Variants in TNC observed in about 807,000 individuals in gnomAD.
TNC encodes tenascin C.
In TNC, 109 loss-of-function variants were observed where a neutral mutation model predicts 202.4. The observed-to-expected ratio is 0.54, with a 90% confidence interval of 0.46 to 0.63. The LOEUF (loss-of-function observed/expected upper bound fraction) is 0.63. TNC is among the 30% of genes least tolerant of loss of function. TNC has a pLI of 0.00. For synonymous variants in TNC, 1,007 were observed against 1,089.7 expected, an observed-to-expected ratio of 0.92 and a Z score of 1.50; for missense variants, 2,756 against 2,833.3, an observed-to-expected ratio of 0.97 and a Z score of 0.62.
chr9:115,109,707 C>T (rs890660862), intron 1 of TNC, among the ~76,000 whole-genome samples: 3 of 152,218 alleles, frequency 2.0e-5, no homozygotes, highest in Non-Finnish European at 4.4e-5. Flanking sequence ...ATCCTGAAGG[C>T]CACCTCTGAA....
chr9:115,060,206 A>G (rs756663874), intron 13 of TNC, among the ~76,000 whole-genome samples: 1 of 152,172 alleles, frequency 6.6e-6, no homozygotes, highest in African/African-American at 2.4e-5. Context: ...AAAGGGAAAT[A>G]TCTACATGGT....
intron 1 of TNC, among the ~76,000 whole-genome samples, chr9:115,114,494 C>G (rs1052727701): frequency 3.3e-5 from 5 of 152,214 alleles, no homozygotes; most frequent in Non-Finnish European, 7.3e-5. Context: ...CTTCTCTCTT[C>G]CAGGGCTGAA....
At chr9:115,084,525 T>C in intron 3 of TNC, 53 bp from the exon 4 acceptor site, 1 of 1,579,570 alleles carries the variant, frequency 6.3e-7, no homozygotes, top group Non-Finnish European at 8.6e-7. Context: ...CTCTAAAATC[T>C]CTCTAGGTTT....
At chr9:115,040,191 T>G (rs1271498262) in intron 19 of TNC, among the ~76,000 whole-genome samples, 2 of 152,240 alleles carry the variant, frequency 1.3e-5, no homozygotes, top group Non-Finnish European at 2.9e-5. Context: ...ATAGAGAGTT[T>G]GGAGTCAGAC....
At chr9:115,093,012 T>C (rs1835351072) in intron 1 of TNC, among the ~76,000 whole-genome samples, 1 of 152,236 alleles carries the variant, frequency 6.6e-6, no homozygotes, top group South Asian at 2.1e-4. Context: ...ATTCAGCCTA[T>C]AAGAAGGTTT....
At chr9:115,047,855 TG>T (rs1247820086) in intron 16 of TNC, among the ~76,000 whole-genome samples, 5 of 152,296 alleles carry the variant, frequency 3.3e-5, no homozygotes, top group African/African-American at 1.2e-4. Flanking sequence ...GTTAAGATCA[TG>T]GTTGAGATTT....
At chr9:115,090,279 G>A (rs772012630) in intron 2 of TNC, among the ~76,000 whole-genome samples, 4 of 152,102 alleles carry the variant, frequency 2.6e-5, no homozygotes, top group Admixed American at 6.6e-5. Flanking sequence ...GGTCAAATAC[G>A]TTTTAGAAAC....
intron 1 of TNC, among the ~76,000 whole-genome samples, chr9:115,103,808 T>C (rs1385344280): frequency 1.3e-5 from 2 of 152,214 alleles, no homozygotes; most frequent in South Asian, 2.1e-4. Flanking sequence ...TGGTGGTGCC[T>C]CACGACTTCC....
At chr9:115,038,191 A>G in intron 20 of TNC, 70 bp downstream of exon 20, 1 of 1,556,128 alleles carries the variant, frequency 6.4e-7, no homozygotes. Flanking sequence ...CAGGGAGAAG[A>G]GCGAATGGGA....
intron 20 of TNC, 151 bp from the exon 21 acceptor site, chr9:115,036,392 C>T: frequency 1.2e-6 from 1 of 819,396 alleles, no homozygotes; most frequent in South Asian, 1.7e-5. Flanking sequence ...GACTCACGCT[C>T]TCTTTCTCTC....
At position 115,020,133 on chromosome 9, in the gene TNC, T is replaced by C. The variant is rs1734106206; in HGVS notation, c.*1024A>G. The C allele has an allele frequency of 6.6e-6, 1 of 152,060 alleles. No homozygotes were observed. The highest frequency in any genetic ancestry group is 1.5e-5 in the Non-Finnish European group (1 of 68,094). 9.4% of individuals were successfully genotyped at this position (152,060 alleles called of 1,614,324 possible). A position where few individuals can be genotyped will look rare whatever the true frequency, so the allele number is the denominator to read the frequency against. The stretch of plus-strand genomic sequence containing the variant: ...ATAGCTCACTGTAACCTCTAACTCC[T>C]GGGCTCCAGTGATTTTCCTACCTCA... On this transcript the variant is annotated 3_prime_UTR_variant, in exon 28 of 28. Coordinates refer to ENST00000350763, the MANE Select transcript of TNC (RefSeq NM_002160.4).
rs772569237 is a variant in TNC, at chr9:115,090,985, A to G, written c.34T>C (p.Phe12Leu). The G allele has an allele frequency of 3.1e-6, 5 of 1,613,144 alleles. No individual in the cohort carries two copies. In the East Asian group the frequency reaches 8.9e-5, roughly 29 times the overall value. Residue 12 changes from phenylalanine (F) to leucine (L), a missense_variant, in exon 2 of 28, where the codon TTT becomes CTT. Coordinates refer to ENST00000350763, the MANE Select transcript of TNC (RefSeq NM_002160.4). The stretch of plus-strand genomic sequence containing the variant: ...GTAGCGAGGGCAAGGAAAGCAAGAA[A>G]GACACCTGCCAACAGCTGAGTCATG... Reference protein sequence around the residue: ...GAMTQLLAGVFLAFLALATEG... With the variant: ...GAMTQLLAGVLLAFLALATEG...
chr9:115,090,323 A>G (rs1835122444), intron 2 of TNC, among the ~76,000 whole-genome samples: 3 of 152,224 alleles, frequency 2.0e-5, no homozygotes, highest in Admixed American at 2.0e-4. Flanking sequence ...TTTTCAAAGC[A>G]GGACTTATCA....
At chr9:115,053,120 A>G (rs534009785) in intron 15 of TNC, 8 of 631,624 alleles carry the variant, frequency 1.3e-5, no homozygotes, top group Non-Finnish European at 2.3e-5. Flanking sequence ...AATATCTCCA[A>G]ATACATACAG....
Position 115,101,587 on chromosome 9 carries a change from A to T in TNC, c.-136-10433T>A, listed in dbSNP as rs118145085. Among the ~76,000 whole-genome samples the T allele has an allele frequency of 1.4e-3, 213 of 152,336 alleles. 6 individuals carry two copies. The East Asian group carries it at 0.038, about 27-fold the overall frequency. On this transcript the variant is annotated intron_variant, in intron 1 of 27. Transcript: ENST00000350763. ...TTAAGTGCCACTGCAGGTTGGGAAC[A>T]TGGTGCACTCTCCCAAGCCAATAGC...
At chr9:115,109,630 A>G (rs188045214) in intron 1 of TNC, among the ~76,000 whole-genome samples, 8 of 152,322 alleles carry the variant, frequency 5.3e-5, no homozygotes, top group Non-Finnish European at 1.0e-4. Flanking sequence ...CTCAGCCTCA[A>G]ATCCCCAGAC....
Position 115,087,743 on chromosome 9 carries a change from C to T in TNC, c.458-470G>A, listed in dbSNP as rs1360335437. 3.5e-4 allele frequency among the ~76,000 whole-genome samples: 52 copies of T among 148,396 alleles called. 1 individual carries two copies. The highest frequency in any genetic ancestry group is 1.3e-3 in the African/African-American group (50 of 39,874). On this transcript the variant is annotated intron_variant, in intron 2 of 27. Transcript: ENST00000350763. Reference sequence around the variant, plus strand: ...TTGAGACAGAGTCTTGCTCTGTCGCCCAGGCTGGAGTGCAGCGGCGCCATC... The same window carrying T: ...TTGAGACAGAGTCTTGCTCTGTCGCTCAGGCTGGAGTGCAGCGGCGCCATC...
rs556219854 is a variant in TNC, at chr9:115,033,315, C to G, written c.5788-1630G>C. Among the ~76,000 whole-genome samples the G allele has an allele frequency of 5.9e-5, 9 of 152,176 alleles. No homozygotes were observed. The South Asian group carries it at 1.7e-3, about 28-fold the overall frequency. ...TTAATACCCAGAGGCCTTTTTGCAG[C>G]CCCCCAGTTCTAGTCCCTGGGGGAA... On this transcript the variant is annotated intron_variant, in intron 22 of 27. Transcript: ENST00000350763.
At chr9:115,090,403 G>A (rs1170658228) in intron 2 of TNC, among the ~76,000 whole-genome samples, 159 bp downstream of exon 2, 1 of 152,236 alleles carries the variant, frequency 6.6e-6, no homozygotes, top group East Asian at 1.9e-4. Context: ...GATGGCTGCA[G>A]TCTCCACACT....
Sources: allele counts gnomAD v4.1 joint callset (sites outside exome capture counted in the v4.1 genomes callset), GRCh38; gene constraint gnomAD v4.1.1; transcripts MANE v1.5; gene names NCBI Gene and HGNC (gene_info 2026-07-23, HGNC 2026-07-21).